The following SYT16 variants were observed in gnomAD, a reference collection of about 807,000 sequenced individuals.
The protein encoded by SYT16 is synaptotagmin-16.
A neutral mutation model predicts 61.4 loss-of-function variants in SYT16; 42 were observed. That is an observed-to-expected ratio of 0.68 (90% CI 0.53 to 0.89). The LOEUF (loss-of-function observed/expected upper bound fraction) is 0.89, where lower values mean the gene tolerates loss of function less well. SYT16 is among the 40% of genes least tolerant of loss of function. SYT16 has a pLI of 0.00. For synonymous variants in SYT16, 314 were observed against 302.3 expected (o/e 1.04, Z -0.40); for missense variants, 804 against 807.3 (o/e 1.00, Z 0.05).
intron 7 of SYT16, among the ~76,000 whole-genome samples, chr14:62,085,858 G>T (rs1362933801): frequency 6.6e-6 from 1 of 152,168 alleles, no homozygotes; most frequent in African/African-American, 2.4e-5. Context: ...ATACCAATTT[G>T]TTTTCCAGAA....
chr14:62,075,795 G>T (rs2056475582), intron 5 of SYT16, among the ~76,000 whole-genome samples: 1 of 151,968 alleles, frequency 6.6e-6, no homozygotes, highest in South Asian at 2.1e-4. Context: ...TTTTTATTTA[G>T]CCCAAATCTC....
At chr14:62,050,943 G>C (rs2140887700) in intron 3 of SYT16, among the ~76,000 whole-genome samples, 1 of 152,338 alleles carries the variant, frequency 6.6e-6, no homozygotes, top group East Asian at 1.9e-4. Context: ...GAGGCAGTCT[G>C]TCCGTTCTCA....
chr14:62,041,391 T>A (rs1475257052), intron 3 of SYT16, among the ~76,000 whole-genome samples: 2 of 152,232 alleles, frequency 1.3e-5, no homozygotes, highest in Non-Finnish European at 2.9e-5. Flanking sequence ...TTAACTGATT[T>A]TAAGGAATTT....
In SYT16 at chr14:62,023,487, C is replaced by G. The variant is rs369155615; in HGVS notation, c.523+26945C>G. Among the ~76,000 whole-genome samples, 19 of 152,232 alleles carry G rather than the reference C, an allele frequency of 1.2e-4. No homozygotes were observed. In the East Asian group the frequency reaches 3.5e-3, roughly 28 times the overall value. On this transcript the variant is annotated intron_variant, in intron 3 of 7. Coordinates refer to ENST00000683842, the MANE Select transcript of SYT16 (RefSeq NM_001367656.1). Reference sequence around the variant, plus strand: ...AAATTTTTACTCATATTTTTGGGTTCACTCTTCTGTGCTTACCTACTCCCA... The same window carrying G: ...AAATTTTTACTCATATTTTTGGGTTGACTCTTCTGTGCTTACCTACTCCCA...
At chr14:61,912,406 T>C (rs996493553) in intron 1 of SYT16, among the ~76,000 whole-genome samples, 1 of 152,200 alleles carries the variant, frequency 6.6e-6, no homozygotes, top group Non-Finnish European at 1.5e-5. Context: ...ATTTGTTGGG[T>C]ATGATTTCAA....
chr14:62,057,011 G>A (rs2055591839), intron 3 of SYT16, among the ~76,000 whole-genome samples: 1 of 152,262 alleles, frequency 6.6e-6, no homozygotes, highest in South Asian at 2.1e-4. Context: ...CACGGCGCAC[G>A]ACCGGGGACA....
chr14:61,954,753 C>T (rs1010849367), intron 1 of SYT16, among the ~76,000 whole-genome samples: 32 of 152,232 alleles, frequency 2.1e-4, no homozygotes, highest in African/African-American at 6.7e-4. Flanking sequence ...CCTTGGCTTA[C>T]ACTGATAGAG....
chr14:61,816,354 T>A (rs1251958207), intron 1 of SYT16, among the ~76,000 whole-genome samples: 1 of 152,118 alleles, frequency 6.6e-6, no homozygotes, highest in African/African-American at 2.4e-5. Context: ...TAGAAACTAG[T>A]GCTAAACAGT....
chr14:62,078,174 C>T (rs1353738892), intron 5 of SYT16, among the ~76,000 whole-genome samples: 15 of 138,600 alleles, frequency 1.1e-4, no homozygotes, highest in African/African-American at 2.5e-4. Context: ...TATATATAAA[C>T]ACACACACAC....
intron 2 of SYT16, among the ~76,000 whole-genome samples, chr14:61,993,432 T>A (rs1435874177): frequency 2.0e-5 from 3 of 152,010 alleles, no homozygotes; most frequent in Non-Finnish European, 4.4e-5. Context: ...TAAAAAAAAT[T>A]AAAAAATTCA....
At chr14:61,833,724 T>A (rs2046021573) in intron 1 of SYT16, among the ~76,000 whole-genome samples, 2 of 148,944 alleles carry the variant, frequency 1.3e-5, no homozygotes, top group Non-Finnish European at 3.0e-5. Flanking sequence ...TTTTTTTTTT[T>A]TTTAAATTTA....
chr14:62,011,904 C>CACAT (rs755955809), intron 3 of SYT16, among the ~76,000 whole-genome samples: 2 of 90,176 alleles, frequency 2.2e-5, no homozygotes, highest in South Asian at 6.6e-4. Flanking sequence ...CACACACACA[C>CACAT]ATATATATAC....
rs190179797 is a variant in SYT16 at position 62,011,082 on chromosome 14, T to C, written c.523+14540T>C. On this transcript the variant is annotated intron_variant, in intron 3 of 7. Coordinates refer to ENST00000683842, the MANE Select transcript of SYT16 (RefSeq NM_001367656.1). ...TGACATAGAGGCAATATTGCTTATG[T>C]CCCAGAAACCATGCTATTTACACAA... Among the ~76,000 whole-genome samples, 585 of 152,326 alleles carry C rather than the reference T, an allele frequency of 3.8e-3. 3 individuals carry two copies. The highest frequency in any genetic ancestry group is 5.8e-3 in the Non-Finnish European group (394 of 68,018).
In SYT16 at chr14:61,996,132, C is replaced by T. The variant is rs749041946; in HGVS notation, c.113C>T (p.Ser38Leu). ...CAAGCAGGAGATATGTTATCTGCTT[C>T]GCTGGTTAACATAAGCAAACAAGAC... is the stretch of plus-strand genomic sequence containing the variant. ...LQQAGDMLSA[S>L]LVNISKQDSK... Residue 38 changes from serine to leucine, a missense_variant, in exon 3 of 8, where the codon TCG becomes TTG. Coordinates refer to ENST00000683842, the MANE Select transcript of SYT16 (RefSeq NM_001367656.1). 112 of 1,613,144 alleles carry T rather than the reference C, an allele frequency of 6.9e-5. 1 individual carries two copies. The South Asian group carries it at 1.1e-3, about 15-fold the overall frequency.
intron 7 of SYT16, among the ~76,000 whole-genome samples, chr14:62,092,115 A>G (rs1308948539): frequency 2.0e-5 from 3 of 151,628 alleles, no homozygotes; most frequent in Non-Finnish European, 2.9e-5. Flanking sequence ...ATCATCAGGA[A>G]AATGCAAATC....
chr14:61,833,922 C>CT (rs1421156685), intron 1 of SYT16, among the ~76,000 whole-genome samples: 1 of 146,362 alleles, frequency 6.8e-6, no homozygotes, highest in South Asian at 2.1e-4. Flanking sequence ...CCCATAGCCT[C>CT]TAAGTCTGAA....
rs539372888 is a variant in SYT16 at position 62,110,401 on chromosome 14, A to G, written c.*9694A>G. ...ACCCCACTATATAACAGGGCCATACATATGACAAGGTGATAGATGGAAAGA... is the reference window on the plus strand; with the variant it reads ...ACCCCACTATATAACAGGGCCATACGTATGACAAGGTGATAGATGGAAAGA... On this transcript the variant is annotated 3_prime_UTR_variant, in exon 8 of 8. Coordinates refer to ENST00000683842, the MANE Select transcript of SYT16 (RefSeq NM_001367656.1). 2 of 152,262 alleles carry G rather than the reference A, an allele frequency of 1.3e-5. No individual in the cohort carries two copies. The highest frequency in any genetic ancestry group is 2.1e-4 in the South Asian group (1 of 4,826). 9.4% of individuals were successfully genotyped at this position (152,262 alleles called of 1,614,324 possible). A position where few individuals can be genotyped will look rare whatever the true frequency, so the allele number is the denominator to read the frequency against.
intron 3 of SYT16, among the ~76,000 whole-genome samples, chr14:61,999,472 G>T (rs2052904943): frequency 6.6e-6 from 1 of 151,482 alleles, no homozygotes; most frequent in Non-Finnish European, 1.5e-5. Flanking sequence ...TCCTGATATT[G>T]GTACTTTTTG....
chr14:62,073,156 T>C (rs1018237779), intron 4 of SYT16, among the ~76,000 whole-genome samples: 1 of 152,238 alleles, frequency 6.6e-6, no homozygotes, highest in African/African-American at 2.4e-5. Context: ...TACATTAATA[T>C]CATTCTTATG....
Sources: gnomAD v4.1 joint callset for allele counts (sites outside exome capture counted in the v4.1 genomes callset) on GRCh38, gnomAD v4.1.1 for gene constraint, MANE v1.5 for transcripts, NCBI Gene and HGNC (gene_info 2026-07-23, HGNC 2026-07-21) for gene names.